The following SLC2A9 variants were observed in gnomAD, a reference collection of about 807,000 sequenced individuals.
SLC2A9 encodes solute carrier family 2 member 9.
SLC2A9 carries 39 observed loss-of-function variants against 50.6 expected under a neutral mutation model. The observed-to-expected ratio is 0.77, with a 90% confidence interval of 0.60 to 1.01. The LOEUF (loss-of-function observed/expected upper bound fraction) is 1.01, where lower values mean the gene tolerates loss of function less well. Among genes scored for constraint, SLC2A9 ranks in the 50% least tolerant of loss-of-function variants. The pLI, the probability that SLC2A9 is intolerant of heterozygous loss-of-function variation, is 0.00. For synonymous variants in SLC2A9, 324 were observed against 276.9 expected, an observed-to-expected ratio of 1.17 and a Z score of -1.69; for missense variants, 686 against 677.6, an observed-to-expected ratio of 1.01 and a Z score of -0.14.
intron 3 of SLC2A9, among the ~76,000 whole-genome samples, chr4:9,810,108 CTATT>C (rs149139559): frequency 0.026 from 4,000 of 152,098 alleles, 176 homozygotes; most frequent in African/African-American, 0.092. Context: ...ATTTGGTGGT[CTATT>C]TATTTGATTA....
At chr4:9,879,112 G>A in intron 10 of SLC2A9, 1 of 984,672 alleles carries the variant, frequency 1.0e-6, no homozygotes, top group South Asian at 4.7e-5. Context: ...TGTCTTTGAA[G>A]CAGTCCCTGA....
intron 3 of SLC2A9, among the ~76,000 whole-genome samples, chr4:9,806,137 G>T (rs1303283693): frequency 6.6e-6 from 1 of 152,176 alleles, no homozygotes; most frequent in Admixed American, 6.5e-5. Context: ...TTGGGAACAG[G>T]CCCCAACATC....
intron 2 of SLC2A9, among the ~76,000 whole-genome samples, chr4:10,010,073 G>A (rs961785457): frequency 1.3e-5 from 2 of 152,318 alleles, no homozygotes; most frequent in East Asian, 1.9e-4. Flanking sequence ...GACCAGCCAT[G>A]TGATAGAGGG....
intron 10 of SLC2A9, among the ~76,000 whole-genome samples, chr4:9,847,436 G>C (rs912449292): frequency 6.6e-6 from 1 of 152,184 alleles, no homozygotes; most frequent in Admixed American, 6.5e-5. Context: ...TCCCTCCCCT[G>C]ACACATGGGA....
chr4:9,875,382 G>A (rs74753491), intron 10 of SLC2A9, among the ~76,000 whole-genome samples: 41 of 148,876 alleles, frequency 2.8e-4, no homozygotes, highest in South Asian at 6.3e-4. Flanking sequence ...ATAGGTTAGC[G>A]TCTGTCTCAG....
At chr4:10,038,049 G>A (rs963706920) in intron 1 of SLC2A9, among the ~76,000 whole-genome samples, 2 of 152,180 alleles carry the variant, frequency 1.3e-5, no homozygotes, top group Non-Finnish European at 2.9e-5. Flanking sequence ...AAGAGAGTTG[G>A]CCTTGAGACA....
At chr4:9,926,842 T>C (rs1281052058) in intron 6 of SLC2A9, among the ~76,000 whole-genome samples, 1 of 151,970 alleles carries the variant, frequency 6.6e-6, no homozygotes, top group African/African-American at 2.4e-5. Context: ...GAGACACAGA[T>C]AGATACACAC....
chr4:9,997,292 G>T (rs1051058711), intron 2 of SLC2A9, among the ~76,000 whole-genome samples: 4 of 152,142 alleles, frequency 2.6e-5, no homozygotes, highest in African/African-American at 9.7e-5. Flanking sequence ...GACTTGCTAG[G>T]TAAGTGCTAA....
At chr4:10,019,724 T>A (rs1261213984) in intron 1 of SLC2A9, among the ~76,000 whole-genome samples, 1 of 152,228 alleles carries the variant, frequency 6.6e-6, no homozygotes, top group Non-Finnish European at 1.5e-5. Flanking sequence ...ACTGTTCCAG[T>A]CTGAGGCGTC....
intron 8 of SLC2A9, among the ~76,000 whole-genome samples, chr4:9,894,760 C>G (rs1202526752): frequency 6.6e-6 from 1 of 152,170 alleles, no homozygotes; most frequent in Admixed American, 6.5e-5. Context: ...AACTCTGTCT[C>G]CTAAGCTTCT....
At chr4:10,020,956 G>T (rs1763435717) in intron 1 of SLC2A9, among the ~76,000 whole-genome samples, 1 of 152,202 alleles carries the variant, frequency 6.6e-6, no homozygotes, top group South Asian at 2.1e-4. Context: ...CGGTGCTGCT[G>T]CCCGTGCCAT....
At chr4:10,018,775 T>A (rs1763087955) in intron 2 of SLC2A9, among the ~76,000 whole-genome samples, 200 bp downstream of exon 2, 2 of 151,680 alleles carry the variant, frequency 1.3e-5, no homozygotes, top group African/African-American at 4.8e-5. Flanking sequence ...GCAAGAACTG[T>A]CATCCCCCGC....
intron 7 of SLC2A9, among the ~76,000 whole-genome samples, chr4:9,911,961 T>TA (rs992988959): frequency 1.3e-5 from 2 of 152,018 alleles, no homozygotes; most frequent in African/African-American, 4.8e-5. Flanking sequence ...TATGCAGCCA[T>TA]AAAAAATAAT....
intron 6 of SLC2A9, among the ~76,000 whole-genome samples, chr4:9,933,811 T>C (rs984646699): frequency 2.6e-5 from 4 of 152,222 alleles, no homozygotes; most frequent in African/African-American, 9.6e-5. Context: ...GCTTGTCTTT[T>C]CCAGCTCCTA....
chr4:9,809,864 T>C (rs112474240), intron 3 of SLC2A9, among the ~76,000 whole-genome samples: 2 of 151,998 alleles, frequency 1.3e-5, no homozygotes, highest in African/African-American at 4.8e-5. Context: ...TTTTTTTTTT[T>C]TTTAAATTCA....
intron 5 of SLC2A9, among the ~76,000 whole-genome samples, chr4:9,953,290 C>A (rs1750640142): frequency 6.6e-6 from 1 of 152,194 alleles, no homozygotes; most frequent in Admixed American, 6.5e-5. Context: ...CCTGAGGTAA[C>A]ATCATTGGGC....
intron 7 of SLC2A9, among the ~76,000 whole-genome samples, chr4:9,909,418 T>C (rs1459943569): frequency 1.3e-5 from 2 of 152,186 alleles, no homozygotes; most frequent in Non-Finnish European, 2.9e-5. Flanking sequence ...CCTTCCATCT[T>C]GTTGAGGTCT....
intron 11 of SLC2A9, among the ~76,000 whole-genome samples, chr4:9,828,505 A>C (rs1445616176): frequency 2.0e-5 from 3 of 152,312 alleles, no homozygotes; most frequent in Admixed American, 6.5e-5. Context: ...CTCCAAGGCC[A>C]CCGACCATGT....
In SLC2A9 at chr4:9,896,160, TTATAAGAAACTGCTAAA is replaced by T. The variant is rs746653704; in HGVS notation, c.1114-5466_1114-5450del. On this transcript the variant is annotated intron_variant, in intron 8 of 11. Transcript: ENST00000264784. Reference sequence around the variant, plus strand: ...TGACTGAGTTGGATGGGTAAAACCTTTATAAGAAACTGCTAAAATGTTATCTGAAGGGGTTGTGCCAT... The same window carrying T: ...TGACTGAGTTGGATGGGTAAAACCTTATGTTATCTGAAGGGGTTGTGCCAT... Among the ~76,000 whole-genome samples, 8 of 152,230 alleles carry T rather than the reference TTATAAGAAACTGCTAAA, an allele frequency of 5.3e-5. No homozygotes were observed. In the South Asian group the frequency reaches 1.0e-3, roughly 20 times the overall value.
Sources: gnomAD v4.1 joint callset for allele counts (sites outside exome capture counted in the v4.1 genomes callset) on GRCh38, gnomAD v4.1.1 for gene constraint, MANE v1.5 for transcripts, NCBI Gene and HGNC (gene_info 2026-07-23, HGNC 2026-07-21) for gene names.